The following HEATR4 variants were observed in gnomAD, a reference collection of about 807,000 sequenced individuals.
The protein encoded by HEATR4 is HEAT repeat-containing protein 4.
In HEATR4, 95 loss-of-function variants were observed where a neutral mutation model predicts 108.8. The ratio of observed to expected loss-of-function variants is 0.87; its 90% confidence interval spans 0.74 to 1.04. The LOEUF (loss-of-function observed/expected upper bound fraction) is 1.04. Ranked by LOEUF, HEATR4 falls within the 50% of genes least tolerant of loss-of-function variation. The pLI is 0.00. For synonymous variants in HEATR4, 443 were observed against 459.4 expected (o/e 0.96, Z 0.46); for missense variants, 1,152 against 1,253.8 (o/e 0.92, Z 1.23).
intron 8 of HEATR4, among the ~76,000 whole-genome samples, chr14:73,508,681 G>A (rs939541715): frequency 6.0e-5 from 9 of 149,218 alleles, no homozygotes; most frequent in African/African-American, 2.0e-4. Context: ...CCCAGGAGGC[G>A]GAGGTTGCAG....
chr14:73,500,274 C>T (rs1403457852), intron 12 of HEATR4, among the ~76,000 whole-genome samples: 1 of 148,662 alleles, frequency 6.7e-6, no homozygotes, highest in Non-Finnish European at 1.5e-5. Flanking sequence ...GAATTATGCA[C>T]GGACCTTTTT....
At position 73,541,607 on chromosome 14, in the gene HEATR4, A is replaced by G; in HGVS notation, c.-151-11363T>C. ...TTTGCTGTGATGGCTCTGGCTTACT[A>G]TAACTATGAAGACCTCCCCAAGACC... On this transcript the variant is annotated intron_variant, in intron 1 of 17. Transcript: ENST00000553558. 3 of 1,243,382 alleles carry G rather than the reference A, an allele frequency of 2.4e-6. 1 individual carries two copies. Among genetic ancestry groups the G allele is most frequent in the Non-Finnish European group, 3.2e-6 (3 of 935,986 alleles). 77.0% of individuals were successfully genotyped at this position (1,243,382 alleles called of 1,614,324 possible). A position where few individuals can be genotyped will look rare whatever the true frequency, so the allele number is the denominator to read the frequency against.
At chr14:73,506,031 T>C (rs1886798905) in intron 10 of HEATR4, among the ~76,000 whole-genome samples, 1 of 151,692 alleles carries the variant, frequency 6.6e-6, no homozygotes, top group African/African-American at 2.4e-5. Flanking sequence ...GCAGGGATTA[T>C]AGGCGCGTGC....
chr14:73,509,784 A>G (rs558377636), intron 7 of HEATR4, among the ~76,000 whole-genome samples: 1 of 124,788 alleles, frequency 8.0e-6, no homozygotes, highest in East Asian at 2.5e-4. Context: ...TTTAGTGATT[A>G]AAAGCAACCA....
At chr14:73,626,020 G>A in the HEATR4 span, among the ~76,000 whole-genome samples, 378 of 152,352 alleles carry the variant, frequency 2.5e-3, 3 homozygotes, top group African/African-American at 8.8e-3. Flanking sequence ...TAGCCAAGTT[G>A]TGAGTGCAAA....
At chr14:73,570,374 C>T in the HEATR4 span, among the ~76,000 whole-genome samples, 1 of 151,790 alleles carries the variant, frequency 6.6e-6, no homozygotes, top group African/African-American at 2.4e-5. Context: ...TTGAGGCCAT[C>T]CTGACTAACA....
Position 73,498,295 on chromosome 14 carries a change from G to A in HEATR4, c.2406C>T (p.Leu802=). 6.2e-7 allele frequency: 1 copy of A among 1,612,866 alleles called. No individual in the cohort carries two copies. The highest frequency in any genetic ancestry group is 1.1e-5 in the South Asian group (1 of 91,012). Residue 802 remains leucine, a synonymous_variant, in exon 14 of 18, where the codon CTC becomes CTT. Coordinates refer to ENST00000553558, the MANE Select transcript of HEATR4 (RefSeq NM_001220484.1). ...QVSPELTDLL[L]WAIHYEESPG... is the part of the protein sequence containing the mutation. ...GTGACTCTTCATAGTGGATAGCCCA[G>A]AGCAGAAGATCCGTCAGCTCGGGAC...
chr14:73,528,124 G>A (rs562071777), intron 2 of HEATR4, among the ~76,000 whole-genome samples: 31 of 151,770 alleles, frequency 2.0e-4, no homozygotes, highest in African/African-American at 7.5e-4. Context: ...GCTATGCGCG[G>A]TGGCTCATGC....
At chr14:73,483,159 T>C (rs1302310815) in intron 17 of HEATR4, among the ~76,000 whole-genome samples, 1 of 152,210 alleles carries the variant, frequency 6.6e-6, no homozygotes, top group Non-Finnish European at 1.5e-5. Flanking sequence ...TGTACTCTAG[T>C]TAATAAAATT....
intron 11 of HEATR4, among the ~76,000 whole-genome samples, chr14:73,502,247 C>T (rs528750538): frequency 2.0e-5 from 3 of 152,132 alleles, no homozygotes; most frequent in South Asian, 4.2e-4. Context: ...CCTCTAGCCA[C>T]GCTGAGTATT....
chr14:73,570,993 A>G, the HEATR4 span, among the ~76,000 whole-genome samples: 2 of 134,718 alleles, frequency 1.5e-5, no homozygotes, highest in South Asian at 2.3e-4. Flanking sequence ...TTTTTTTTAA[A>G]TAAGAATTCC....
At chr14:73,604,160 A>ATTT in the HEATR4 span, among the ~76,000 whole-genome samples, 2 of 91,412 alleles carry the variant, frequency 2.2e-5, no homozygotes, top group African/African-American at 9.0e-5. Context: ...TCATTTGCTA[A>ATTT]TTTCTTTTTT....
chr14:73,508,184 C>T lies in HEATR4; in HGVS notation c.1831G>A (p.Asp611Asn), dbSNP rs1229905745. The T allele has an allele frequency of 6.2e-7, 1 of 1,613,814 alleles. No homozygotes were observed. The highest frequency in any genetic ancestry group is 8.5e-7 in the Non-Finnish European group (1 of 1,179,730). Reference sequence around the variant, plus strand: ...AGGATATAAGACTGTTCCTCAGTGTCCTCATTCTTCTTTGTAAACAGCTGG... The same window carrying T: ...AGGATATAAGACTGTTCCTCAGTGTTCTCATTCTTCTTTGTAAACAGCTGG... ...LHQLFTKKNE[D>N]TEEQSYILLS... is the part of the protein sequence containing the mutation. The change falls in exon 9 of 18, where the codon GAC becomes AAC. Residue 611 changes from aspartate (D) to asparagine (N), a missense_variant. Coordinates refer to ENST00000553558, the MANE Select transcript of HEATR4 (RefSeq NM_001220484.1).
chr14:73,524,308 A>ATAT (rs1463658661), intron 2 of HEATR4, among the ~76,000 whole-genome samples: 193 of 83,412 alleles, frequency 2.3e-3, no homozygotes, highest in Middle Eastern at 7.1e-3. Context: ...AAAAAAAAAA[A>ATAT]AAATATATAT....
the HEATR4 span, among the ~76,000 whole-genome samples, chr14:73,579,869 GA>G: frequency 0.051 from 7,778 of 152,054 alleles, 371 homozygotes; most frequent in African/African-American, 0.11. Context: ...AAGGTGGGTG[GA>G]TCATTTGAAG....
At position 73,492,258 on chromosome 14, in the gene HEATR4, ACT is replaced by A. The variant is rs2140250209; in HGVS notation, c.2844+806_2844+807del. ...CAAGCTGAATGCCAGGATGGAGTCC[ACT>A]CTCTGCACCTCACCTTGTCCACGTA... On this transcript the variant is annotated intron_variant, in intron 17 of 17. Transcript: ENST00000553558. The surrounding 1 kb of genome is among the most constrained non-coding windows in gnomAD (Gnocchi z 4.9). 6.2e-7 allele frequency: 1 copy of A among 1,613,554 alleles called. No homozygotes were observed. The highest frequency in any genetic ancestry group is 8.5e-7 in the Non-Finnish European group (1 of 1,179,790).
intron 2 of HEATR4, among the ~76,000 whole-genome samples, chr14:73,523,456 T>C (rs4903119): frequency 0.84 from 127,850 of 152,258 alleles, 54,242 homozygotes; most frequent in African/African-American, 0.96. Flanking sequence ...CTCATCTCCG[T>C]GTGAGGGATG....
rs149945107 is a variant in HEATR4, at chr14:73,516,147, CAAAAAAAAAAAAAAA to C, written c.1211-1928_1211-1914del. 2.2e-4 allele frequency among the ~76,000 whole-genome samples: 2 copies of C among 9,158 alleles called. 1 individual carries two copies. Among genetic ancestry groups the C allele is most frequent in the Admixed American group, 2.9e-3 (2 of 690 alleles). The allele number at this position is 9,158 out of a possible 152,430, so 6.0% of individuals were successfully genotyped here. A position where few individuals can be genotyped will look rare whatever the true frequency, so the allele number is the denominator to read the frequency against. On this transcript the variant is annotated intron_variant, in intron 5 of 17. Transcript: ENST00000553558. ...AGCCATCTTCCACATCAACAGTCAT[CAAAAAAAAAAAAAAA>C]AAAAAAAAAAAGAGTCCTGTGAGAC...
At chr14:73,585,820 C>CTTTT in the HEATR4 span, among the ~76,000 whole-genome samples, 51 of 115,568 alleles carry the variant, frequency 4.4e-4, 1 homozygote, top group African/African-American at 1.9e-3. Context: ...TTGTCTTTTT[C>CTTTT]TTTTTTTTTT....
Sources: gnomAD v4.1 joint callset for allele counts (sites outside exome capture counted in the v4.1 genomes callset) on GRCh38, gnomAD v4.1.1 for gene constraint, Gnocchi (gnomAD v3.1) non-coding constraint, MANE v1.5 for transcripts, NCBI Gene and HGNC (gene_info 2026-07-23, HGNC 2026-07-21) for gene names.